Variants in NSMCE1 observed in about 807,000 individuals in gnomAD.
NSMCE1 encodes NSE1 component of SMC5/6 complex.
In NSMCE1, 18 loss-of-function variants were observed where a neutral mutation model predicts 29.6. The observed-to-expected ratio is 0.61, with a 90% CI of 0.42 to 0.90. The LOEUF is 0.90. Among genes scored for constraint, NSMCE1 ranks in the 40% least tolerant of loss-of-function variants. The pLI, the probability that NSMCE1 is intolerant of heterozygous loss-of-function variation, is 0.00. For synonymous variants in NSMCE1, 124 were observed against 133.4 expected, an observed-to-expected ratio of 0.93 and a Z score of 0.49; for missense variants, 314 against 343.6, an observed-to-expected ratio of 0.91 and a Z score of 0.68.
rs765466482 is a variant in NSMCE1, at chr16:27,257,591, A to C, written c.-11-10T>G. 6.9e-6 allele frequency: 11 copies of C among 1,603,738 alleles called. No individual in the cohort carries two copies. In the Admixed American group the frequency reaches 1.7e-4, roughly 25 times the overall value. On this transcript the variant is annotated splice_polypyrimidine_tract_variant and intron_variant, in intron 1 of 7. Transcript: ENST00000361439. ...TGCATGTGGGAACGAACTGAAAAGG[A>C]AGTAAATGACACTAGTCAACCCCAA...
intron 2 of NSMCE1, among the ~76,000 whole-genome samples, chr16:27,251,191 A>AAATAT (rs1555477412): frequency 3.1e-5 from 1 of 32,356 alleles, no homozygotes; most frequent in Non-Finnish European, 5.6e-5. Flanking sequence ...TATATATATA[A>AAATAT]ATATATATAT....
chr16:27,265,008 G>GA (rs1169052755), intron 1 of NSMCE1, among the ~76,000 whole-genome samples: 5 of 151,870 alleles, frequency 3.3e-5, no homozygotes, highest in Non-Finnish European at 2.9e-5. Context: ...AATAAATACA[G>GA]AAAAAAGATG....
chr16:27,248,362 A>C (rs1193528955), intron 2 of NSMCE1, among the ~76,000 whole-genome samples: 2 of 139,450 alleles, frequency 1.4e-5, no homozygotes, highest in African/African-American at 5.5e-5. Flanking sequence ...CATTTTAGCC[A>C]TTTTAATACA....
chr16:27,234,088 C>T (rs958937951), intron 4 of NSMCE1, 100 bp downstream of exon 4: 2 of 784,550 alleles, frequency 2.5e-6, no homozygotes, highest in Non-Finnish European at 2.3e-6. Context: ...CCATGTCCCC[C>T]CAGTGATCCT....
At chr16:27,241,811 C>G (rs763727190) in intron 2 of NSMCE1, 1 of 453,420 alleles carries the variant, frequency 2.2e-6, no homozygotes, top group South Asian at 1.6e-5. Flanking sequence ...CTCAGCAGAC[C>G]CTCAGCAACC....
At chr16:27,237,467 G>A (rs750602800) in intron 2 of NSMCE1, among the ~76,000 whole-genome samples, 1 of 152,180 alleles carries the variant, frequency 6.6e-6, no homozygotes, top group Admixed American at 6.5e-5. Flanking sequence ...GAGCTGTTCC[G>A]TACCTGCCTG....
In NSMCE1 at chr16:27,234,354, C is replaced by T. The variant is rs2083796388; in HGVS notation, c.259-89G>A. 6 of 866,706 alleles carry T rather than the reference C, an allele frequency of 6.9e-6. No homozygotes were observed. In the East Asian group the frequency reaches 9.7e-5, roughly 14 times the overall value. 53.7% of individuals were successfully genotyped at this position (866,706 alleles called of 1,614,324 possible). A position where few individuals can be genotyped will look rare whatever the true frequency, so the allele number is the denominator to read the frequency against. ...GCTCTCCCTCCCTCCCCTCCTCCAT[C>T]TCTGGCCAGTCACTGAGCTCCTGTA... On this transcript the variant is annotated intron_variant, in intron 3 of 7. Coordinates refer to ENST00000361439, the MANE Select transcript of NSMCE1 (RefSeq NM_145080.4).
In NSMCE1 at chr16:27,251,165, T is replaced by TATATATATATATATATATATAA. The variant is rs1440207404; in HGVS notation, c.136+6269_136+6270insTTATATATATATATATATATAT. ...CTTAATTTTAATTATTTAAAATATA[T>TATATATATATATATATATATAA]ATATATATATATATATATATATATA... is the stretch of plus-strand genomic sequence containing the variant. On this transcript the variant is annotated intron_variant, in intron 2 of 7. Transcript: ENST00000361439. Among the ~76,000 whole-genome samples the TATATATATATATATATATATAA allele has an allele frequency of 1.5e-3, 92 of 63,056 alleles. 1 individual carries two copies. Among genetic ancestry groups the TATATATATATATATATATATAA allele is most frequent in the East Asian group, 3.6e-3 (4 of 1,106 alleles). 41.4% of individuals were successfully genotyped at this position (63,056 alleles called of 152,430 possible).
In NSMCE1 at chr16:27,255,856, C is replaced by T. The variant is rs534622392; in HGVS notation, c.136+1579G>A. 1.2e-3 allele frequency among the ~76,000 whole-genome samples: 183 copies of T among 152,330 alleles called. 1 individual carries two copies. The highest frequency in any genetic ancestry group is 1.9e-3 in the Non-Finnish European group (127 of 68,034). On this transcript the variant is annotated intron_variant, in intron 2 of 7. Transcript: ENST00000361439. ...GTGACACCTACCTTTTCTCGTGTCC[C>T]TTCACATTTTGAAAAGTATAAAATG...
At chr16:27,233,241 C>A in intron 4 of NSMCE1, 94 bp from the exon 5 acceptor site, 1 of 1,023,766 alleles carries the variant, frequency 9.8e-7, no homozygotes, top group East Asian at 2.4e-5. Flanking sequence ...ACAGTAAAAC[C>A]ACTCAGATCA....
At chr16:27,239,152 G>A (rs1046170604) in intron 2 of NSMCE1, among the ~76,000 whole-genome samples, 1 of 152,166 alleles carries the variant, frequency 6.6e-6, no homozygotes, top group African/African-American at 2.4e-5. Flanking sequence ...TTACAGGCGT[G>A]AGCCACCGTG....
chr16:27,262,293 G>A (rs913607329), intron 1 of NSMCE1, among the ~76,000 whole-genome samples: 7 of 150,434 alleles, frequency 4.7e-5, no homozygotes, highest in Admixed American at 1.3e-4. Context: ...CCTGAATAGC[G>A]AAAGCAATCC....
chr16:27,252,978 G>C (rs536740809), intron 2 of NSMCE1, among the ~76,000 whole-genome samples: 7 of 151,922 alleles, frequency 4.6e-5, no homozygotes, highest in African/African-American at 1.7e-4. Flanking sequence ...GAAGAGCTTC[G>C]GGTTATTAAA....
chr16:27,225,334 C>G, intron 7 of NSMCE1, 98 bp from the exon 8 acceptor site: 1 of 753,500 alleles, frequency 1.3e-6, no homozygotes, highest in Non-Finnish European at 2.4e-6. Context: ...GTGCCAAGGA[C>G]TGTCCTAGGT....
rs771379772 is a variant in NSMCE1 at position 27,257,400 on chromosome 16, C to T, written c.136+35G>A. ...TCACTGGTCCCTGATCAACACAGCA[C>T]CAGAGCGCCCTGGGAACAGGGAAAC... On this transcript the variant is annotated intron_variant, in intron 2 of 7. Coordinates refer to ENST00000361439, the MANE Select transcript of NSMCE1 (RefSeq NM_145080.4). 12 of 1,580,404 alleles carry T rather than the reference C, an allele frequency of 7.6e-6. No individual in the cohort carries two copies. In the East Asian group the frequency reaches 9.0e-5, roughly 12 times the overall value.
chr16:27,236,677 A>G (rs1362507609), intron 2 of NSMCE1, among the ~76,000 whole-genome samples: 3 of 152,204 alleles, frequency 2.0e-5, no homozygotes, highest in Non-Finnish European at 1.5e-5. Context: ...AATAATTTCA[A>G]AAGATTCATG....
intron 5 of NSMCE1, among the ~76,000 whole-genome samples, chr16:27,228,928 CTCCACCCTCT>C (rs1351303149): frequency 1.3e-5 from 2 of 151,964 alleles, no homozygotes; most frequent in African/African-American, 4.8e-5. Context: ...CCTCCCCGGC[CTCCACCCTCT>C]TCCACCCTCC....
intron 3 of NSMCE1, among the ~76,000 whole-genome samples, chr16:27,234,494 T>A (rs11647383): frequency 0.29 from 43,489 of 152,130 alleles, 7,213 homozygotes; most frequent in African/African-American, 0.43. Flanking sequence ...CCAAAGGGTG[T>A]GCAGTATTTT....
chr16:27,257,279 T>G, intron 2 of NSMCE1, 156 bp downstream of exon 2: 1 of 547,464 alleles, frequency 1.8e-6, no homozygotes, highest in Admixed American at 3.3e-5. Context: ...AAGTGGAAGA[T>G]GAAATTAGAA....
Sources: allele counts gnomAD v4.1 joint callset (sites outside exome capture counted in the v4.1 genomes callset), GRCh38; gene constraint gnomAD v4.1.1; transcripts MANE v1.5; gene names NCBI Gene and HGNC (gene_info 2026-07-23, HGNC 2026-07-21).